The following ZCCHC17 variants were observed in gnomAD, a reference collection of about 807,000 sequenced individuals.
ZCCHC17 encodes the protein zinc finger CCHC domain-containing protein 17.
Under a neutral mutation model 30.6 loss-of-function variants are expected in ZCCHC17, and 18 were observed. The observed-to-expected ratio is 0.59, with a 90% CI of 0.41 to 0.87. The LOEUF (loss-of-function observed/expected upper bound fraction) is 0.87, where lower values mean the gene tolerates loss of function less well. ZCCHC17 is among the 40% of genes least tolerant of loss of function. The pLI, the probability that ZCCHC17 is intolerant of heterozygous loss-of-function variation, is 0.00. For synonymous variants in ZCCHC17, 88 were observed against 92.4 expected, an observed-to-expected ratio of 0.95 and a Z score of 0.27; for missense variants, 263 against 284.2, an observed-to-expected ratio of 0.93 and a Z score of 0.54.
At chr1:31,308,563 A>C (rs972945293) in intron 1 of ZCCHC17, among the ~76,000 whole-genome samples, 2 of 152,210 alleles carry the variant, frequency 1.3e-5, no homozygotes, top group Admixed American at 1.3e-4. Flanking sequence ...ACTGGTGTCA[A>C]ATGTAATTGG....
chr1:31,357,648 T>C (rs181077211), intron 7 of ZCCHC17, among the ~76,000 whole-genome samples: 106 of 152,260 alleles, frequency 7.0e-4, no homozygotes, highest in African/African-American at 2.5e-3. Context: ...CAAGTAGTGA[T>C]AAGTGCTATA....
chr1:31,312,608 T>G (rs887500876), intron 2 of ZCCHC17, among the ~76,000 whole-genome samples: 4 of 152,110 alleles, frequency 2.6e-5, no homozygotes, highest in Admixed American at 6.5e-5. Flanking sequence ...GTAATTCTCT[T>G]CCATAGAATT....
At chr1:31,315,588 CT>C (rs2148422499) in intron 2 of ZCCHC17, among the ~76,000 whole-genome samples, 1 of 152,222 alleles carries the variant, frequency 6.6e-6, no homozygotes, top group Admixed American at 6.5e-5. Context: ...AAAAAAAAGT[CT>C]GTGTTGTACT....
chr1:31,306,185 C>A (rs896132723), intron 1 of ZCCHC17, among the ~76,000 whole-genome samples: 11 of 152,164 alleles, frequency 7.2e-5, no homozygotes, highest in Non-Finnish European at 1.5e-4. Context: ...GCAACCTTAG[C>A]ATACAATTTT....
intron 1 of ZCCHC17, among the ~76,000 whole-genome samples, chr1:31,298,022 G>T (rs1034849260): frequency 4.6e-5 from 7 of 152,254 alleles, no homozygotes; most frequent in African/African-American, 1.4e-4. Context: ...CCCCAGTGGG[G>T]TGTGGTGGAG....
chr1:31,329,379 C>T (rs561439686), intron 3 of ZCCHC17, among the ~76,000 whole-genome samples: 3 of 152,098 alleles, frequency 2.0e-5, no homozygotes, highest in South Asian at 2.1e-4. Flanking sequence ...TGTCTTCTGC[C>T]ATCCAGCACT....
intron 3 of ZCCHC17, among the ~76,000 whole-genome samples, chr1:31,330,367 T>C (rs962232649): frequency 1.3e-5 from 2 of 152,228 alleles, no homozygotes; most frequent in Non-Finnish European, 2.9e-5. Context: ...AGTGTCATGT[T>C]GGGTTTATTG....
chr1:31,312,678 A>G (rs1256464109), intron 2 of ZCCHC17, among the ~76,000 whole-genome samples: 3 of 152,234 alleles, frequency 2.0e-5, no homozygotes, highest in Admixed American at 6.5e-5. Context: ...CATAGTAGGA[A>G]TTAATTAATG....
At chr1:31,320,368 G>T (rs911020798) in intron 3 of ZCCHC17, among the ~76,000 whole-genome samples, 1 of 152,104 alleles carries the variant, frequency 6.6e-6, no homozygotes, top group African/African-American at 2.4e-5. Context: ...GTACAATTCA[G>T]TGGTTTCTTT....
intron 2 of ZCCHC17, among the ~76,000 whole-genome samples, chr1:31,316,875 C>G (rs1260470100): frequency 6.6e-6 from 1 of 152,102 alleles, no homozygotes; most frequent in South Asian, 2.1e-4. Context: ...AATTCAAGTG[C>G]TCCATCCGAT....
intron 6 of ZCCHC17, 48 bp downstream of exon 6, chr1:31,346,788 A>C: frequency 6.2e-7 from 1 of 1,611,720 alleles, no homozygotes; most frequent in Non-Finnish European, 8.5e-7. Flanking sequence ...TTGTGGATGG[A>C]CCCTTTTCTG....
chr1:31,309,374 G>A (rs1176217812), intron 1 of ZCCHC17, among the ~76,000 whole-genome samples: 1 of 152,170 alleles, frequency 6.6e-6, no homozygotes, highest in Admixed American at 6.6e-5. Flanking sequence ...CTGGGGTGCA[G>A]TGGTGTGATC....
chr1:31,337,145 C>T, intron 3 of ZCCHC17, 30 bp from the exon 4 acceptor site: 1 of 1,594,664 alleles, frequency 6.3e-7, no homozygotes, highest in Non-Finnish European at 8.6e-7. Context: ...ATGCCCTCTG[C>T]TTTACGTTAT....
rs1043257968 is a variant in ZCCHC17 at position 31,297,071 on chromosome 1, G to A, written c.-60G>A. 1.6e-5 allele frequency: 7 copies of A among 437,622 alleles called. No individual in the cohort carries two copies. The highest frequency in any genetic ancestry group is 4.1e-5 in the African/African-American group (2 of 49,216). 27.1% of individuals were successfully genotyped at this position (437,622 alleles called of 1,614,324 possible). ...AGCGACTCGGGGACCTGGAGCTGACGCCTAGTACGTATGAGGAAGAACGGG... is the reference window on the plus strand; with the variant it reads ...AGCGACTCGGGGACCTGGAGCTGACACCTAGTACGTATGAGGAAGAACGGG... On this transcript the variant is annotated 5_prime_UTR_variant, in exon 1 of 8. Transcript: ENST00000344147.
Position 31,337,286 on chromosome 1 carries a change from G to C in ZCCHC17, c.225+11G>C, listed in dbSNP as rs376935357. On this transcript the variant is annotated intron_variant, in intron 4 of 7. Transcript: ENST00000344147. ...CTTATTGGCCGAGAGGTAAAGTTCT[G>C]TGCGGCTCCCTTGTGGTTAGAAAGG... 2 of 1,610,764 alleles carry C rather than the reference G, an allele frequency of 1.2e-6. No homozygotes were observed. Among genetic ancestry groups the C allele is most frequent in the African/African-American group, 2.7e-5 (2 of 74,868 alleles).
chr1:31,362,769 T>C (rs1456859629), intron 7 of ZCCHC17, among the ~76,000 whole-genome samples: 1 of 152,224 alleles, frequency 6.6e-6, no homozygotes, highest in Non-Finnish European at 1.5e-5. Context: ...AGTCACTGTT[T>C]CTAGATAGAC....
chr1:31,319,025 A>G, intron 2 of ZCCHC17, 84 bp from the exon 3 acceptor site: 1 of 1,467,428 alleles, frequency 6.8e-7, no homozygotes, highest in Non-Finnish European at 9.3e-7. Flanking sequence ...AATATGAAGT[A>G]CAGATTTGGG....
chr1:31,330,310 T>C (rs1569841473), intron 3 of ZCCHC17, among the ~76,000 whole-genome samples: 1 of 152,188 alleles, frequency 6.6e-6, no homozygotes, highest in African/African-American at 2.4e-5. Context: ...GTTTCGTTTT[T>C]TTCCTGTTTT....
At chr1:31,350,882 G>A (rs141118935) in intron 7 of ZCCHC17, among the ~76,000 whole-genome samples, 163 of 152,304 alleles carry the variant, frequency 1.1e-3, no homozygotes, top group Middle Eastern at 3.4e-3. Flanking sequence ...GATTACAGGC[G>A]TGAGCCTCCG....
Sources: allele counts gnomAD v4.1 joint callset (sites outside exome capture counted in the v4.1 genomes callset), GRCh38; gene constraint gnomAD v4.1.1; transcripts MANE v1.5; gene names NCBI Gene and HGNC (gene_info 2026-07-23, HGNC 2026-07-21).